GOLGA6L9: variants seen among roughly 807,000 people sequenced by gnomAD.
GOLGA6L9 encodes the protein golgin A6 family like 9.
GOLGA6L9 carries 19 observed loss-of-function variants against 51.3 expected under a neutral mutation model. The observed-to-expected ratio is 0.37, with a 90% CI of 0.26 to 0.54. The LOEUF (loss-of-function observed/expected upper bound fraction) is 0.54, where lower values mean the gene tolerates loss of function less well. Among genes scored for constraint, GOLGA6L9 ranks in the 20% least tolerant of loss-of-function variants. GOLGA6L9 has a pLI of 0.83. For synonymous variants in GOLGA6L9, 97 were observed against 184.2 expected (o/e 0.53, Z 3.83); for missense variants, 247 against 464.1 (o/e 0.53, Z 4.30).
chr15:82,427,243 CCTTGCTTTCCTTTT>C (rs2031224273), upstream of GOLGA6L9, among the ~76,000 whole-genome samples: 2 of 145,148 alleles, frequency 1.4e-5, no homozygotes, highest in Non-Finnish European at 3.0e-5. Context: ...CTTCTTCCTT[CCTTGCTTTCCTTTT>C]CTTTCTTGCT....
chr15:82,436,402 C>T lies in GOLGA6L9; in HGVS notation c.1290C>T (p.Thr430=). The change falls in exon 9 of 9, where the codon ACC becomes ACT. Residue 430 remains threonine (T), a synonymous_variant. Coordinates refer to ENST00000618348, the MANE Select transcript of GOLGA6L9 (RefSeq NM_198181.4). The part of the protein sequence containing the change: ...RAAENRELNI[T]II ...CCGAGAACAGGGAGCTAAACATCAC[C>T]ATCATCTAAGAGCGGGTCAAGAAAT... 6.3e-7 allele frequency: 1 copy of T among 1,592,380 alleles called. No individual in the cohort carries two copies. The highest frequency in any genetic ancestry group is 8.5e-7 in the Non-Finnish European group (1 of 1,176,610).
In GOLGA6L9 at chr15:82,436,542, G is replaced by A; in HGVS notation, c.*131G>A. 1.6e-6 allele frequency: 2 copies of A among 1,246,536 alleles called. No individual in the cohort carries two copies. The highest frequency in any genetic ancestry group is 1.5e-5 in the African/African-American group (1 of 65,574). 77.2% of individuals were successfully genotyped at this position (1,246,536 alleles called of 1,614,324 possible). A position where few individuals can be genotyped will look rare whatever the true frequency, so the allele number is the denominator to read the frequency against. On this transcript the variant is annotated 3_prime_UTR_variant, in exon 9 of 9. Transcript: ENST00000618348. ...TCTAATTTATAGTTTAAATTTATTT[G>A]TGTTTCTAATTTATAGTTTAAATTT... is the stretch of plus-strand genomic sequence containing the variant.
rs1251647135 is a variant in GOLGA6L9, at chr15:82,439,002, G to C, written c.*2591G>C. The C allele has an allele frequency of 3.4e-5, 5 of 146,976 alleles. No homozygotes were observed. The highest frequency in any genetic ancestry group is 1.3e-4 in the African/African-American group (5 of 39,548). 9.1% of individuals were successfully genotyped at this position (146,976 alleles called of 1,614,324 possible). ...AAGCTGTATTTGCCAAGTTTTCTTA[G>C]AATGACTTTTACCGATTTATGAATT... On this transcript the variant is annotated 3_prime_UTR_variant, in exon 9 of 9. Coordinates refer to ENST00000618348, the MANE Select transcript of GOLGA6L9 (RefSeq NM_198181.4).
At chr15:82,416,719 A>G in the GOLGA6L9 span, among the ~76,000 whole-genome samples, 10 of 152,210 alleles carry the variant, frequency 6.6e-5, no homozygotes, top group African/African-American at 1.7e-4. Flanking sequence ...AGTCAGGGTA[A>G]AGCTTAAGCA....
At chr15:82,433,235 T>A (rs1189586664) in intron 4 of GOLGA6L9, among the ~76,000 whole-genome samples, 1 of 151,742 alleles carries the variant, frequency 6.6e-6, no homozygotes, top group Non-Finnish European at 1.5e-5. Context: ...TTTTTGAGTC[T>A]GGACAAGCCA....
chr15:82,434,120 G>C lies in GOLGA6L9; in HGVS notation c.520G>C (p.Glu174Gln), dbSNP rs2031545071. Residue 174 changes from glutamate to glutamine, a missense_variant, in exon 6 of 9, where the codon GAG (glutamate) becomes CAG (glutamine). Transcript: ENST00000618348. ...GACCAACCACCTAAGGAAGGAGCTA[G>C]AGAGTGTGGGAAGACAGCTCCAGGC... ...DETNHLRKEL[E>Q]SVGRQLQAEV... 2.6e-6 allele frequency: 4 copies of C among 1,528,686 alleles called. No homozygotes were observed. Among genetic ancestry groups the C allele is most frequent in the Admixed American group, 4.0e-5 (2 of 50,368 alleles). 94.7% of individuals were successfully genotyped at this position (1,528,686 alleles called of 1,614,324 possible). A position where few individuals can be genotyped will look rare whatever the true frequency, so the allele number is the denominator to read the frequency against.
chr15:82,435,373 G>T (rs1473070424), intron 7 of GOLGA6L9: 320 of 322,510 alleles, frequency 9.9e-4, no homozygotes, highest in Middle Eastern at 5.5e-3. Flanking sequence ...AGGCCTGGTG[G>T]TGCATGCCTG....
chr15:82,417,014 C>T, the GOLGA6L9 span, among the ~76,000 whole-genome samples: 1 of 152,120 alleles, frequency 6.6e-6, no homozygotes, highest in African/African-American at 2.4e-5. Context: ...TACTCGTCTC[C>T]CCCACCGTTG....
At chr15:82,416,481 AGT>A in the GOLGA6L9 span, among the ~76,000 whole-genome samples, 1 of 152,150 alleles carries the variant, frequency 6.6e-6, no homozygotes, top group Non-Finnish European at 1.5e-5. Context: ...AGCCTAGAAG[AGT>A]GTGACAGTAG....
Position 82,432,661 on chromosome 15 carries a change from C to A in GOLGA6L9, c.264+30C>A, listed in dbSNP as rs1164709192. ...GAGGCCCTGGGCCGAGGTGCAGTGA[C>A]CCTGCAGGCCAGCCCTCCAACCTCC... On this transcript the variant is annotated intron_variant, in intron 3 of 8. Transcript: ENST00000618348. The A allele has an allele frequency of 4.8e-5, 77 of 1,598,260 alleles. No individual in the cohort carries two copies. In the African/African-American group the frequency reaches 9.3e-4, roughly 19 times the overall value.
chr15:82,437,993 G>T lies in GOLGA6L9; in HGVS notation c.*1582G>T, dbSNP rs1345593909. On this transcript the variant is annotated 3_prime_UTR_variant, in exon 9 of 9. Transcript: ENST00000618348. ...GGACTAAAGGTCCTGTTCTTGCCTT[G>T]TCTGAACTTGCCGCTTTTGCATTCT... 6.6e-6 allele frequency: 1 copy of T among 150,918 alleles called. No individual in the cohort carries two copies. The highest frequency in any genetic ancestry group is 1.5e-5 in the Non-Finnish European group (1 of 67,746). The allele number at this position is 150,918 out of a possible 1,614,324, so 9.3% of individuals were successfully genotyped here.
the GOLGA6L9 span, among the ~76,000 whole-genome samples, chr15:82,418,391 T>A: frequency 6.6e-6 from 1 of 152,184 alleles, no homozygotes; most frequent in East Asian, 1.9e-4. Flanking sequence ...CAGAACCGTT[T>A]GTGGTGGACT....
rs2031466519 is a variant in GOLGA6L9, at chr15:82,432,819, C to A, written c.267C>A (p.Ser89Arg). The A allele has an allele frequency of 6.2e-7, 1 of 1,612,100 alleles. No individual in the cohort carries two copies. Among genetic ancestry groups the A allele is most frequent in the African/African-American group, 1.3e-5 (1 of 74,718 alleles). ...ASSTTLQDLESQYQELAVALD... is the reference protein window; with the variant it reads ...ASSTTLQDLERQYQELAVALD... ...CCTTCTCTCTGCATGCACCTCAGAG[C>A]CAGTACCAAGAACTAGCAGTAGCCC... The change falls in exon 4 of 9, where the codon AGC becomes AGA. Residue 89 changes from serine (S) to arginine (R), a missense_variant and splice_region_variant. By Grantham distance (110) the Ser-to-Arg change is moderately radical. Coordinates refer to ENST00000618348, the MANE Select transcript of GOLGA6L9 (RefSeq NM_198181.4).
At chr15:82,427,382 T>C (rs1253647910), upstream of GOLGA6L9, among the ~76,000 whole-genome samples, 2 of 152,162 alleles carry the variant, frequency 1.3e-5, no homozygotes, top group African/African-American at 4.8e-5. Context: ...TTCCTTTCCT[T>C]TCTTTCTCTT....
chr15:82,429,356 T>A (rs1489088904), upstream of GOLGA6L9, among the ~76,000 whole-genome samples: 1 of 152,134 alleles, frequency 6.6e-6, no homozygotes, highest in Non-Finnish European at 1.5e-5. Context: ...ATTACAGGGG[T>A]GAGCCACCGC....
At chr15:82,417,011 C>T in the GOLGA6L9 span, among the ~76,000 whole-genome samples, 1 of 152,182 alleles carries the variant, frequency 6.6e-6, no homozygotes, top group African/African-American at 2.4e-5. Context: ...GTATACTCGT[C>T]TCCCCCACCG....
upstream of GOLGA6L9, among the ~76,000 whole-genome samples, chr15:82,424,822 TCTC>T (rs1162042910): frequency 4.1e-5 from 6 of 147,260 alleles, no homozygotes; most frequent in Non-Finnish European, 6.0e-5. Flanking sequence ...ATCAGACTCT[TCTC>T]GAGCAATCAA....
At chr15:82,429,766 T>C (rs1176969706), upstream of GOLGA6L9, among the ~76,000 whole-genome samples, 2 of 152,170 alleles carry the variant, frequency 1.3e-5, no homozygotes, top group African/African-American at 4.8e-5. Flanking sequence ...TTAACAGTTT[T>C]AAAGCTTTTA....
At chr15:82,428,877 C>T (rs1239789863), upstream of GOLGA6L9, among the ~76,000 whole-genome samples, 5 of 134,992 alleles carry the variant, frequency 3.7e-5, no homozygotes, top group African/African-American at 1.4e-4. Context: ...TACACAGTGA[C>T]ATAACACAAT....
Sources: allele counts gnomAD v4.1 joint callset (sites outside exome capture counted in the v4.1 genomes callset), GRCh38; gene constraint gnomAD v4.1.1; transcripts MANE v1.5; gene names NCBI Gene and HGNC (gene_info 2026-07-23, HGNC 2026-07-21).